The following LRRC4C variants were observed in gnomAD, a reference collection of about 807,000 sequenced individuals.
LRRC4C encodes the protein leucine-rich repeat-containing protein 4C.
A neutral mutation model predicts 33.6 loss-of-function variants in LRRC4C; 5 were observed. That is an observed-to-expected ratio of 0.15 (90% CI 0.08 to 0.31). LRRC4C has a LOEUF of 0.31. LRRC4C is among the 10% of genes least tolerant of loss of function. The probability of loss-of-function intolerance (pLI) is 1.00; values close to 1 mark genes in which losing one functional copy is unlikely to be tolerated. For missense variants in LRRC4C, 560 were observed against 796.7 expected (o/e 0.70, Z 3.58); for synonymous variants, 329 against 302.0 (o/e 1.09, Z -0.93).
At chr11:40,833,812 C>T (rs1294007492) in intron 2 of LRRC4C, among the ~76,000 whole-genome samples, 5 of 152,034 alleles carry the variant, frequency 3.3e-5, no homozygotes, top group Non-Finnish European at 5.9e-5. Context: ...AAGTGTTGTG[C>T]ATAAATGTGT....
At chr11:41,014,448 G>A (rs1855435725) in intron 1 of LRRC4C, among the ~76,000 whole-genome samples, 4 of 150,602 alleles carry the variant, frequency 2.7e-5, no homozygotes, top group African/African-American at 9.8e-5. Flanking sequence ...CAGTGCATGT[G>A]TGTTGTTGAT....
intron 3 of LRRC4C, among the ~76,000 whole-genome samples, chr11:40,434,813 A>T (rs1951081385): frequency 6.6e-6 from 1 of 152,214 alleles, no homozygotes; most frequent in Non-Finnish European, 1.5e-5. Context: ...CCATTTTGAG[A>T]AAATAAATGT....
chr11:40,416,179 T>A (rs1398666472), intron 3 of LRRC4C, among the ~76,000 whole-genome samples: 2 of 152,198 alleles, frequency 1.3e-5, no homozygotes, highest in Admixed American at 6.5e-5. Flanking sequence ...TTTACTTTTT[T>A]AAACAATGGG....
chr11:40,842,259 T>C (rs1952946356), intron 2 of LRRC4C, among the ~76,000 whole-genome samples: 2 of 152,280 alleles, frequency 1.3e-5, no homozygotes, highest in East Asian at 1.9e-4. Flanking sequence ...CTCAGCCCCA[T>C]GCAGCTTCTG....
Position 41,093,856 on chromosome 11 carries a change from C to A in LRRC4C, c.-495-160133G>T, listed in dbSNP as rs989116565. 8.7e-5 allele frequency among the ~76,000 whole-genome samples: 13 copies of A among 149,406 alleles called. No individual in the cohort carries two copies. In the East Asian group the frequency reaches 2.4e-3, roughly 27 times the overall value. ...TCTATAATCCCAGCACTTTGGGAGA[C>A]CAAGGCGGGCGGATCACAAGGTCAG... On this transcript the variant is annotated intron_variant, in intron 1 of 6. Coordinates refer to ENST00000528697, the MANE Select transcript of LRRC4C (RefSeq NM_001258419.2).
intron 3 of LRRC4C, among the ~76,000 whole-genome samples, chr11:40,639,412 C>T (rs1211440092): frequency 6.6e-6 from 1 of 152,164 alleles, no homozygotes; most frequent in Admixed American, 6.5e-5. Context: ...AGTAGTCACA[C>T]CACAGAAACA....
At chr11:41,234,986 G>A (rs1321592803) in intron 1 of LRRC4C, among the ~76,000 whole-genome samples, 1 of 151,924 alleles carries the variant, frequency 6.6e-6, no homozygotes, top group East Asian at 1.9e-4. Context: ...AATCTGTCAG[G>A]AGGACTATAA....
intron 2 of LRRC4C, among the ~76,000 whole-genome samples, chr11:40,776,255 C>T (rs1244300482): frequency 1.4e-5 from 2 of 146,278 alleles, no homozygotes; most frequent in African/African-American, 5.1e-5. Context: ...TGTGTCTTTG[C>T]CTCCTCCTGG....
chr11:41,031,615 A>T (rs1261872886), intron 1 of LRRC4C, among the ~76,000 whole-genome samples: 2 of 152,006 alleles, frequency 1.3e-5, no homozygotes. Context: ...GGCACAAAAT[A>T]AACTATTCCA....
At chr11:41,100,822 T>C (rs974542526) in intron 1 of LRRC4C, among the ~76,000 whole-genome samples, 1 of 152,070 alleles carries the variant, frequency 6.6e-6, no homozygotes, top group African/African-American at 2.4e-5. Flanking sequence ...CAAAACAGCA[T>C]GGTACTGGCA....
intron 1 of LRRC4C, among the ~76,000 whole-genome samples, chr11:41,416,771 C>T (rs1954697039): frequency 6.6e-6 from 1 of 151,996 alleles, no homozygotes; most frequent in African/African-American, 2.4e-5. Context: ...ATCTACCTAA[C>T]TACTTCATAG....
intron 3 of LRRC4C, among the ~76,000 whole-genome samples, chr11:40,497,583 A>G (rs1954531641): frequency 6.6e-6 from 1 of 152,236 alleles, no homozygotes; most frequent in Non-Finnish European, 1.5e-5. Context: ...TGAAGCTACA[A>G]AAGAAATGTG....
At chr11:40,824,909 C>G (rs947871872) in intron 2 of LRRC4C, among the ~76,000 whole-genome samples, 1 of 151,940 alleles carries the variant, frequency 6.6e-6, no homozygotes, top group African/African-American at 2.4e-5. Flanking sequence ...GCGGCTGTCA[C>G]TTCTGCCACA....
At position 40,916,112 on chromosome 11, in the gene LRRC4C, G is replaced by A. The variant is rs192807126; in HGVS notation, c.-407+17523C>T. On this transcript the variant is annotated intron_variant, in intron 2 of 6. Transcript: ENST00000528697. ...ACACTGTTGGTGGGACTGCAAACTA[G>A]TTCAACCATTGTGGAAGTCAGTGTA... Among the ~76,000 whole-genome samples, 447 of 152,302 alleles carry A rather than the reference G, an allele frequency of 2.9e-3. 3 individuals carry two copies. The highest frequency in any genetic ancestry group is 0.01 in the African/African-American group (433 of 41,552).
chr11:40,737,877 G>A (rs1947963775), intron 2 of LRRC4C, among the ~76,000 whole-genome samples: 1 of 152,024 alleles, frequency 6.6e-6, no homozygotes, highest in Non-Finnish European at 1.5e-5. Flanking sequence ...CTACTTTAAA[G>A]TTCATATGGA....
intron 1 of LRRC4C, among the ~76,000 whole-genome samples, chr11:41,226,350 A>G (rs750381957): frequency 2.0e-5 from 3 of 152,172 alleles, no homozygotes; most frequent in Non-Finnish European, 2.9e-5. Context: ...GAGTATTTCA[A>G]TGCCTGAGTC....
rs145878406 is a variant in LRRC4C at position 41,305,978 on chromosome 11, G to A, written c.-496+153453C>T. Among the ~76,000 whole-genome samples, 699 of 147,368 alleles carry A rather than the reference G, an allele frequency of 4.7e-3. 2 individuals carry two copies. Among genetic ancestry groups the A allele is most frequent in the Non-Finnish European group, 7.7e-3 (520 of 67,104 alleles). On this transcript the variant is annotated intron_variant, in intron 1 of 6. Transcript: ENST00000528697. ...AACTCAGAGGCTGGCGGGATCCTCCGTATGCTGAACGCTGGCCCCCTGGGC... is the reference window on the plus strand; with the variant it reads ...AACTCAGAGGCTGGCGGGATCCTCCATATGCTGAACGCTGGCCCCCTGGGC...
chr11:40,621,636 T>C (rs183910070), intron 3 of LRRC4C, among the ~76,000 whole-genome samples: 62 of 151,970 alleles, frequency 4.1e-4, no homozygotes, highest in African/African-American at 1.5e-3. Flanking sequence ...ACATGTTATA[T>C]ACTGAATTTC....
At chr11:40,199,201 G>A (rs1862506957) in intron 5 of LRRC4C, among the ~76,000 whole-genome samples, 1 of 152,164 alleles carries the variant, frequency 6.6e-6, no homozygotes, top group Non-Finnish European at 1.5e-5. Context: ...CTCCTGAGCA[G>A]CTGGGATTAC....
Sources: allele counts gnomAD v4.1 joint callset (sites outside exome capture counted in the v4.1 genomes callset), GRCh38; gene constraint gnomAD v4.1.1; transcripts MANE v1.5; gene names NCBI Gene and HGNC (gene_info 2026-07-23, HGNC 2026-07-21).